The following TRAK1 variants were observed in gnomAD, a reference collection of about 807,000 sequenced individuals.
The protein encoded by TRAK1 is trafficking kinesin protein 1.
TRAK1 carries 33 observed loss-of-function variants against 92.1 expected under a neutral mutation model. That is an observed-to-expected ratio of 0.36 (90% CI 0.27 to 0.48). The LOEUF is 0.48. Among genes scored for constraint, TRAK1 ranks in the 20% least tolerant of loss-of-function variants. TRAK1 has a pLI of 0.99. For missense variants in TRAK1, 1,123 were observed against 1,257.9 expected (o/e 0.89, Z 1.62); for synonymous variants, 521 against 517.3 (o/e 1.01, Z -0.10).
chr3:42,053,986 C>T (rs1576191735), intron 1 of TRAK1, among the ~76,000 whole-genome samples: 1 of 152,276 alleles, frequency 6.6e-6, no homozygotes, highest in African/African-American at 2.4e-5. Context: ...CTCTGACTCT[C>T]CCTGAATCTT....
chr3:42,187,226 A>G (rs1705018844), intron 4 of TRAK1, among the ~76,000 whole-genome samples: 1 of 152,174 alleles, frequency 6.6e-6, no homozygotes. Flanking sequence ...GTGAGGGTGC[A>G]TCACAGAATG....
chr3:42,060,334 T>TGGGGGGG (rs1392335044), intron 1 of TRAK1, among the ~76,000 whole-genome samples: 1 of 5,546 alleles, frequency 1.8e-4, no homozygotes, highest in Non-Finnish European at 3.4e-4. Context: ...AGCACCACGG[T>TGGGGGGG]GGGGGGTGGG....
Position 42,223,113 on chromosome 3 carries a change from G to A in TRAK1, c.2238G>A (p.Glu746=), listed in dbSNP as rs1162427305. Residue 746 remains glutamate (E), a synonymous_variant, in exon 16 of 16, where the codon GAG becomes GAA. Coordinates refer to ENST00000327628, the MANE Select transcript of TRAK1 (RefSeq NM_001042646.3). The surrounding 1 kb of genome is among the most constrained non-coding windows in gnomAD (Gnocchi z 6.1). ...TGGGGCTCGTGTGGCTGTTGAAGGA[G>A]CGGGGCATTTCTGCTGCCGTGTACG... ...TSLGLVWLLK[E]RGISAAVYDP... 2.5e-6 allele frequency: 4 copies of A among 1,614,048 alleles called. No homozygotes were observed. Among genetic ancestry groups the A allele is most frequent in the Non-Finnish European group, 3.4e-6 (4 of 1,180,010 alleles).
chr3:42,170,849 A>G (rs1702453143), intron 2 of TRAK1, among the ~76,000 whole-genome samples: 2 of 149,076 alleles, frequency 1.3e-5, no homozygotes, highest in African/African-American at 2.5e-5. Flanking sequence ...TTTGAGACAG[A>G]GTCTTGCTCT....
At chr3:42,077,905 G>A (rs1025700855) in intron 1 of TRAK1, among the ~76,000 whole-genome samples, 26 of 152,162 alleles carry the variant, frequency 1.7e-4, no homozygotes, top group African/African-American at 5.6e-4. Flanking sequence ...GAGAGAGAGC[G>A]TCTCAGACTT....
intron 1 of TRAK1, among the ~76,000 whole-genome samples, chr3:42,109,293 C>T (rs576204753): frequency 1.3e-5 from 2 of 152,192 alleles, no homozygotes; most frequent in South Asian, 4.2e-4. Context: ...CAACTGGATC[C>T]CTGCATAACT....
chr3:42,017,637 T>C (rs1701575020), intron 1 of TRAK1, among the ~76,000 whole-genome samples: 1 of 152,238 alleles, frequency 6.6e-6, no homozygotes, highest in Admixed American at 6.5e-5. Flanking sequence ...AAACTGGATG[T>C]CTCCTGAGTT....
intron 14 of TRAK1, chr3:42,211,807 C>G (rs1399134035): frequency 4.1e-6 from 4 of 985,300 alleles, no homozygotes; most frequent in East Asian, 1.1e-4. Flanking sequence ...TGCTTGTTCT[C>G]TCTGTACTCA....
intron 1 of TRAK1, among the ~76,000 whole-genome samples, chr3:42,106,089 T>G (rs1460216288): frequency 2.6e-5 from 4 of 152,264 alleles, no homozygotes; most frequent in Non-Finnish European, 2.9e-5. Flanking sequence ...AGACCATCAA[T>G]GCTAGGAAGA....
At chr3:42,127,943 C>T (rs1710801125) in intron 2 of TRAK1, among the ~76,000 whole-genome samples, 1 of 152,128 alleles carries the variant, frequency 6.6e-6, no homozygotes, top group Non-Finnish European at 1.5e-5. Context: ...CTTTGGGAGG[C>T]CGAGGCGGGT....
intron 2 of TRAK1, among the ~76,000 whole-genome samples, chr3:42,143,622 C>G (rs1018336530): frequency 1.3e-5 from 2 of 152,138 alleles, no homozygotes; most frequent in Non-Finnish European, 2.9e-5. Context: ...GAATGGCTGA[C>G]CAGTGGCTGT....
chr3:42,044,784 G>GA (rs973396324), intron 1 of TRAK1, among the ~76,000 whole-genome samples: 3 of 152,154 alleles, frequency 2.0e-5, no homozygotes, highest in Non-Finnish European at 4.4e-5. Flanking sequence ...ATCAACCACT[G>GA]AAACAGCCAC....
At chr3:42,218,913 T>C (rs1320103970) in intron 14 of TRAK1, 1 of 985,258 alleles carries the variant, frequency 1.0e-6, no homozygotes, top group Non-Finnish European at 1.2e-6. Flanking sequence ...ACGTTGTTGC[T>C]GAGGCAGCTG....
intron 1 of TRAK1, among the ~76,000 whole-genome samples, chr3:42,121,682 T>C (rs530366815): frequency 6.6e-6 from 1 of 152,360 alleles, no homozygotes; most frequent in African/African-American, 2.4e-5. Context: ...TTTGGCCTTG[T>C]GGCCAAGGTT....
intron 1 of TRAK1, among the ~76,000 whole-genome samples, chr3:42,121,846 C>T (rs1204063383): frequency 1.3e-5 from 2 of 151,946 alleles, no homozygotes; most frequent in African/African-American, 2.4e-5. Context: ...AAAACAGAGT[C>T]TCGCTCTGTC....
At chr3:42,210,475 G>A in intron 14 of TRAK1, 1 of 1,246,336 alleles carries the variant, frequency 8.0e-7, no homozygotes, top group Non-Finnish European at 1.0e-6. Context: ...CCTGGTCTGG[G>A]TGTCTCCCTG....
chr3:42,216,502 TCTCA>T (rs1709705175), intron 14 of TRAK1, among the ~76,000 whole-genome samples: 1 of 152,180 alleles, frequency 6.6e-6, no homozygotes, highest in Non-Finnish European at 1.5e-5. Context: ...TAAGAGTGGT[TCTCA>T]CTCTTGCAAA....
At chr3:42,198,239 G>A (rs1057311287) in intron 10 of TRAK1, among the ~76,000 whole-genome samples, 1 of 152,188 alleles carries the variant, frequency 6.6e-6, no homozygotes, top group African/African-American at 2.4e-5. Flanking sequence ...GTACAGGAGA[G>A]GGGACATCCA....
rs867395740 is a variant in TRAK1 at position 42,109,069 on chromosome 3, C to T, written c.92-16351C>T. 1.1e-4 allele frequency among the ~76,000 whole-genome samples: 17 copies of T among 152,088 alleles called. No homozygotes were observed. The East Asian group carries it at 2.1e-3, about 19-fold the overall frequency. On this transcript the variant is annotated intron_variant, in intron 1 of 15. Transcript: ENST00000327628. The stretch of plus-strand genomic sequence containing the variant: ...CCGAGTTCAGGCTCTGTTAGAAAAC[C>T]GGTTCACTATTTACAGGCTATGTGA...
Sources: gnomAD v4.1 joint callset for allele counts (sites outside exome capture counted in the v4.1 genomes callset) on GRCh38, gnomAD v4.1.1 for gene constraint, Gnocchi (gnomAD v3.1) non-coding constraint, MANE v1.5 for transcripts, NCBI Gene and HGNC (gene_info 2026-07-23, HGNC 2026-07-21) for gene names.